Variants in SEMA6C observed in about 807,000 individuals in gnomAD.
SEMA6C encodes semaphorin-6C.
Under a neutral mutation model 72.9 loss-of-function variants are expected in SEMA6C, and 37 were observed. That is an observed-to-expected ratio of 0.51 (90% CI 0.39 to 0.67). The LOEUF is 0.67. SEMA6C is among the 30% of genes least tolerant of loss of function. The pLI is 0.00. For missense variants in SEMA6C, 1,189 were observed against 1,263.6 expected, an observed-to-expected ratio of 0.94 and a Z score of 0.89; for synonymous variants, 578 against 554.1, an observed-to-expected ratio of 1.04 and a Z score of -0.61.
rs756132896 is a variant in SEMA6C, at chr1:151,132,769, C to A, written c.2508G>T (p.Ala836=). The change falls in exon 19 of 19, where the codon GCG becomes GCT. Residue 836 remains alanine (A), a synonymous_variant. Coordinates refer to ENST00000368914, the MANE Select transcript of SEMA6C (RefSeq NM_030913.6). ...CCAGCCGGGGAGCGGGGGCGGAGAG[C>A]GCGGGCCGGGCGGGGGCAGAGGCGC... ...GRCASAPARP[A]LSAPAPRLGV... is the part of the protein sequence containing the mutation. The A allele has an allele frequency of 1.4e-6, 2 of 1,415,440 alleles. No homozygotes were observed. The highest frequency in any genetic ancestry group is 1.8e-6 in the Non-Finnish European group (2 of 1,084,064). The allele number at this position is 1,415,440 out of a possible 1,614,324, so 87.7% of individuals were successfully genotyped here.
At chr1:151,139,538 T>C in intron 5 of SEMA6C, 57 bp from the exon 6 acceptor site, 1 of 1,602,906 alleles carries the variant, frequency 6.2e-7, no homozygotes, top group Non-Finnish European at 8.5e-7. Flanking sequence ...CTCCTCACAT[T>C]ATGGCTCCTT....
chr1:151,133,661 C>T lies in SEMA6C; in HGVS notation c.1760-144G>A. 3 of 1,351,948 alleles carry T rather than the reference C, an allele frequency of 2.2e-6. No individual in the cohort carries two copies. Among genetic ancestry groups the T allele is most frequent in the Non-Finnish European group, 2.9e-6 (3 of 1,021,068 alleles). 83.7% of individuals were successfully genotyped at this position (1,351,948 alleles called of 1,614,324 possible). On this transcript the variant is annotated intron_variant, in intron 18 of 18. Coordinates refer to ENST00000368914, the MANE Select transcript of SEMA6C (RefSeq NM_030913.6). This position sits in a 1 kb window ranked among gnomAD's most constrained non-coding sequence, Gnocchi z 5.9. Reference sequence around the variant, plus strand: ...CCTCACTCCTACAGCCTCCACCATCCTCAGGATTCACCTCTCCTGACTCCT... The same window carrying T: ...CCTCACTCCTACAGCCTCCACCATCTTCAGGATTCACCTCTCCTGACTCCT...
In SEMA6C at chr1:151,132,347, G is replaced by T. The variant is rs777203703; in HGVS notation, c.*137C>A. The T allele has an allele frequency of 6.5e-7, 1 of 1,540,608 alleles. No individual in the cohort carries two copies. Among genetic ancestry groups the T allele is most frequent in the South Asian group, 1.2e-5 (1 of 82,620 alleles). ...TCAATAAATAAACCCGAGGCGAAAA[G>T]GGGCCTCGGGAGACTCTGCGAGTCG... is the stretch of plus-strand genomic sequence containing the variant. On this transcript the variant is annotated 3_prime_UTR_variant, in exon 19 of 19. Coordinates refer to ENST00000368914, the MANE Select transcript of SEMA6C (RefSeq NM_030913.6).
Position 151,138,116 on chromosome 1 carries a change from G to A in SEMA6C, c.548-11C>T, listed in dbSNP as rs1278743918. The A allele has an allele frequency of 1.9e-6, 3 of 1,613,374 alleles. No homozygotes were observed. In the East Asian group the frequency reaches 6.7e-5, roughly 36 times the overall value. ...AGTACAGGCTGCCCTCTGGAGGGAT[G>A]GGTGGAGTGGGGTCAGGGGAGGGCT... On this transcript the variant is annotated splice_polypyrimidine_tract_variant and intron_variant, in intron 8 of 18. Transcript: ENST00000368914.
In SEMA6C at chr1:151,138,620, T is replaced by G; in HGVS notation, c.456+10A>C. On this transcript the variant is annotated intron_variant, in intron 7 of 18. Coordinates refer to ENST00000368914, the MANE Select transcript of SEMA6C (RefSeq NM_030913.6). The stretch of plus-strand genomic sequence containing the variant: ...AACTCCCATCCTAACCCCCACCCTC[T>G]CTTTTGTACCCCATAGCTGCGGCAC... The G allele has an allele frequency of 6.2e-7, 1 of 1,612,084 alleles. No homozygotes were observed. The highest frequency in any genetic ancestry group is 8.5e-7 in the Non-Finnish European group (1 of 1,178,206).
At chr1:151,134,729 C>T (rs1558180064) in intron 16 of SEMA6C, 54 bp from the exon 17 acceptor site, 8 of 1,612,654 alleles carry the variant, frequency 5.0e-6, no homozygotes, top group Non-Finnish European at 6.8e-6. Context: ...GTATCTCCCA[C>T]TCTGGCCCTC....
In SEMA6C at chr1:151,136,941, A is replaced by C; in HGVS notation, c.890T>G (p.Phe297Cys). 1 of 1,614,178 alleles carries C rather than the reference A, an allele frequency of 6.2e-7. No homozygotes were observed. Among genetic ancestry groups the C allele is most frequent in the Non-Finnish European group, 8.5e-7 (1 of 1,180,028 alleles). Reference sequence around the variant, plus strand: ...CCCAGTCAAGGCCTGTAAAACATCAAAATAGAAAGTAGAGTCCCCAGGGAC... The same window carrying C: ...CCCAGTCAAGGCCTGTAAAACATCACAATAGAAAGTAGAGTCCCCAGGGAC... ...CSVPGDSTFY[F>C]DVLQALTGPV... The change falls in exon 11 of 19, where the codon TTT (phenylalanine) becomes TGT (cysteine). Residue 297 changes from phenylalanine (F) to cysteine (C), a missense_variant. Coordinates refer to ENST00000368914, the MANE Select transcript of SEMA6C (RefSeq NM_030913.6).
Position 151,132,570 on chromosome 1 carries a change from C to T in SEMA6C, c.2707G>A (p.Glu903Lys). The T allele has an allele frequency of 6.4e-7, 1 of 1,551,508 alleles. No individual in the cohort carries two copies. The highest frequency in any genetic ancestry group is 8.7e-7 in the Non-Finnish European group (1 of 1,147,324). Residue 903 changes from glutamate (E) to lysine (K), a missense_variant, in exon 19 of 19, where the codon GAG becomes AAG. This residue lies in a region of SEMA6C where 721 missense variants were observed against 686.2 expected (regional missense o/e 1.05). Transcript: ENST00000368914. Reference sequence around the variant, plus strand: ...GGCTTCAGGGACAACTGGGGCTTCTCGACGTCCACCCTTTTCAGGGCGCGG... The same window carrying T: ...GGCTTCAGGGACAACTGGGGCTTCTTGACGTCCACCCTTTTCAGGGCGCGG... ...RGRALKRVDV[E>K]KPQLSLKPPL...
chr1:151,135,296 G>T lies in SEMA6C; in HGVS notation c.1447C>A (p.Arg483=). The change falls in exon 15 of 19, where the codon CGG becomes AGG. Residue 483 remains arginine (R), a synonymous_variant. Transcript: ENST00000368914. ...AYSPARCSGK[R]TAQTARRIIG... is the part of the protein sequence containing the mutation. ...ATCCGTCGTGCTGTTTGGGCTGTCCGCTTCCCACTGCACCTAGGGTGAGGC... is the reference window on the plus strand; with the variant it reads ...ATCCGTCGTGCTGTTTGGGCTGTCCTCTTCCCACTGCACCTAGGGTGAGGC... 6.2e-7 allele frequency: 1 copy of T among 1,613,620 alleles called. No individual in the cohort carries two copies. Among genetic ancestry groups the T allele is most frequent in the Non-Finnish European group, 8.5e-7 (1 of 1,179,744 alleles).
chr1:151,131,716 C>G lies in SEMA6C; in HGVS notation c.*768G>C, dbSNP rs1445038528. 2 of 154,702 alleles carry G rather than the reference C, an allele frequency of 1.3e-5. No homozygotes were observed. The highest frequency in any genetic ancestry group is 4.8e-5 in the African/African-American group (2 of 41,468). The allele number at this position is 154,702 out of a possible 1,614,324, so 9.6% of individuals were successfully genotyped here. On this transcript the variant is annotated 3_prime_UTR_variant, in exon 19 of 19. Coordinates refer to ENST00000368914, the MANE Select transcript of SEMA6C (RefSeq NM_030913.6). The stretch of plus-strand genomic sequence containing the variant: ...GATGTGGAACTTCAAGTAACGTACA[C>G]TGCAGCTTCATTTTATTTCTCAAAA...
rs1681791530 is a variant in SEMA6C at position 151,133,850 on chromosome 1, TCCAAACAGGCGTTAGTGAGCA to T, written c.1760-354_1760-334del. 1 of 1,046,646 alleles carries T rather than the reference TCCAAACAGGCGTTAGTGAGCA, an allele frequency of 9.6e-7. No individual in the cohort carries two copies. The highest frequency in any genetic ancestry group is 1.4e-6 in the Non-Finnish European group (1 of 718,278). 64.8% of individuals were successfully genotyped at this position (1,046,646 alleles called of 1,614,324 possible). A position where few individuals can be genotyped will look rare whatever the true frequency, so the allele number is the denominator to read the frequency against. ...ATGCCCAATTCTGGGGAAGGGAGGC[TCCAAACAGGCGTTAGTGAGCA>T]CCAAACACCATTCAGTGAGGGGCTT... is the stretch of plus-strand genomic sequence containing the variant. On this transcript the variant is annotated intron_variant, in intron 18 of 18. Coordinates refer to ENST00000368914, the MANE Select transcript of SEMA6C (RefSeq NM_030913.6). The surrounding 1 kb of genome is among the most constrained non-coding windows in gnomAD (Gnocchi z 5.9).
rs901040481 is a variant in SEMA6C, at chr1:151,136,343, T to A, written c.1106+105A>T. On this transcript the variant is annotated intron_variant, in intron 12 of 18. Transcript: ENST00000368914. Reference sequence around the variant, plus strand: ...GGCCCCACTGCCACCCCACTATAGCTCCCCACCCTGAGGCCTTGGACATCT... The same window carrying A: ...GGCCCCACTGCCACCCCACTATAGCACCCCACCCTGAGGCCTTGGACATCT... 4.0e-5 allele frequency: 61 copies of A among 1,520,882 alleles called. No individual in the cohort carries two copies. The East Asian group carries it at 5.9e-4, about 15-fold the overall frequency. 94.2% of individuals were successfully genotyped at this position (1,520,882 alleles called of 1,614,324 possible).
intron 6 of SEMA6C, 98 bp from the exon 7 acceptor site, chr1:151,138,829 A>C: frequency 3.5e-5 from 34 of 961,704 alleles, no homozygotes; most frequent in Non-Finnish European, 4.9e-5. Context: ...GTGGTGGCTC[A>C]CGCCTGTAAT....
intron 16 of SEMA6C, 61 bp downstream of exon 16, chr1:151,134,737 C>A (rs929990917): frequency 9.9e-6 from 16 of 1,612,556 alleles, no homozygotes; most frequent in Middle Eastern, 1.6e-4. Flanking sequence ...CACTCTGGCC[C>A]TCAGCTTGTC....
At chr1:151,141,925 C>T (rs1682586741) in intron 3 of SEMA6C, among the ~76,000 whole-genome samples, 1 of 151,938 alleles carries the variant, frequency 6.6e-6, no homozygotes, top group Non-Finnish European at 1.5e-5. Context: ...ATTCATTTTA[C>T]AGCTGAGGAG....
At chr1:151,135,932 G>C (rs187158437) in intron 13 of SEMA6C, 79 bp downstream of exon 13, 3 of 1,585,414 alleles carry the variant, frequency 1.9e-6, no homozygotes, top group Non-Finnish European at 2.6e-6. Flanking sequence ...CCACCAATGC[G>C]GTTTACCTTG....
rs779187666 is a variant in SEMA6C, at chr1:151,133,202, G to A, written c.2075C>T (p.Pro692Leu). Reference sequence around the variant, plus strand: ...GGTGGGCAGGCAGGCCAGCTCCGGCGGGGGCACGCCCTCCGGAGGCGGCAG... The same window carrying A: ...GGTGGGCAGGCAGGCCAGCTCCGGCAGGGGCACGCCCTCCGGAGGCGGCAG... ...TFLPPPEGVP[P>L]PELACLPTPE... Residue 692 changes from proline (P) to leucine (L), a missense_variant, in exon 19 of 19, where the codon CCG (proline) becomes CTG (leucine). Physicochemically the swap from Pro to Leu is moderately conservative, Grantham distance 98 (BLOSUM62 -3). This residue lies in a region of SEMA6C where 721 missense variants were observed against 686.2 expected (regional missense o/e 1.05). Coordinates refer to ENST00000368914, the MANE Select transcript of SEMA6C (RefSeq NM_030913.6). The surrounding 1 kb of genome is among the most constrained non-coding windows in gnomAD (Gnocchi z 5.9). 7.0e-6 allele frequency: 11 copies of A among 1,571,016 alleles called. No homozygotes were observed. In the East Asian group the frequency reaches 1.8e-4, roughly 26 times the overall value.
At position 151,139,614 on chromosome 1, in the gene SEMA6C, A is replaced by G. The variant is rs1197350731; in HGVS notation, c.297+24T>C. 1.9e-6 allele frequency: 3 copies of G among 1,605,096 alleles called. No homozygotes were observed. In the African/African-American group the frequency reaches 4.0e-5, roughly 21 times the overall value. ...TTCCCAGCCTCATCTCCACGTCTGCACCTCTTCCCACACAGCCCCTCACCT... is the reference window on the plus strand; with the variant it reads ...TTCCCAGCCTCATCTCCACGTCTGCGCCTCTTCCCACACAGCCCCTCACCT... On this transcript the variant is annotated intron_variant, in intron 5 of 18. Transcript: ENST00000368914.
chr1:151,138,014 G>A lies in SEMA6C; in HGVS notation c.639C>T (p.Ser213=), dbSNP rs373495547. The A allele has an allele frequency of 1.3e-5, 21 of 1,614,162 alleles. No homozygotes were observed. Among genetic ancestry groups the A allele is most frequent in the South Asian group, 4.4e-5 (4 of 91,088 alleles). Residue 213 remains serine (S), a synonymous_variant, in exon 9 of 19, where the codon TCC becomes TCT. Transcript: ENST00000368914. ...RSLGPQPPLR[S]AKYDSKWLRE... The stretch of plus-strand genomic sequence containing the variant: ...GGAGCCACTTGGAGTCATACTTGGC[G>A]GAGCGGAGTGGGGGCTGGGGCCCAA...
Sources: gnomAD v4.1 joint callset for allele counts (sites outside exome capture counted in the v4.1 genomes callset) on GRCh38, gnomAD v4.1.1 for gene constraint, gnomAD v4.1.1 regional missense constraint, Gnocchi (gnomAD v3.1) non-coding constraint, MANE v1.5 for transcripts, NCBI Gene and HGNC (gene_info 2026-07-23, HGNC 2026-07-21) for gene names.